The following SCMH1 variants were observed in gnomAD, a reference collection of about 807,000 sequenced individuals.
SCMH1 encodes the protein polycomb protein SCMH1.
In SCMH1, 37 loss-of-function variants were observed where a neutral mutation model predicts 70.8. The observed-to-expected ratio is 0.52, with a 90% confidence interval of 0.40 to 0.69. SCMH1 has a LOEUF of 0.69. Among genes scored for constraint, SCMH1 ranks in the 30% least tolerant of loss-of-function variants. The pLI is 0.00. For missense variants in SCMH1, 607 were observed against 827.3 expected (o/e 0.73, Z 3.27); for synonymous variants, 292 against 307.4 (o/e 0.95, Z 0.52).
At chr1:41,129,536 C>A (rs1270439207) in intron 6 of SCMH1, among the ~76,000 whole-genome samples, 1 of 152,064 alleles carries the variant, frequency 6.6e-6, no homozygotes, top group East Asian at 1.9e-4. Flanking sequence ...AATTTCCTTC[C>A]TCTTTAAGGC....
rs764599596 is a variant in SCMH1, at chr1:41,037,380, G to A, written c.1660C>T (p.Arg554Cys). The A allele has an allele frequency of 6.8e-6, 11 of 1,614,060 alleles. No homozygotes were observed. In the African/African-American group the frequency reaches 9.3e-5, roughly 14 times the overall value. ...AGCTTACCCCTGGAGCATAGCCTGC[G>A]CACAGCTGAGGCAGTGCTTGGTGGG... The change falls in exon 13 of 15, where the codon CGC (arginine) becomes TGC (cysteine). Residue 554 changes from arginine (R) to cysteine (C), a missense_variant. Physicochemically the swap from Arg to Cys is radical, Grantham distance 180. Transcript: ENST00000337495.
At chr1:41,142,841 A>G (rs1306753565) in intron 6 of SCMH1, 37 bp downstream of exon 6, 3 of 1,551,322 alleles carry the variant, frequency 1.9e-6, no homozygotes, top group African/African-American at 1.4e-5. Context: ...CTAACTATTA[A>G]TAATTGGCTA....
At chr1:41,187,441 G>A (rs1196206099) in intron 1 of SCMH1, among the ~76,000 whole-genome samples, 7 of 140,934 alleles carry the variant, frequency 5.0e-5, no homozygotes, top group South Asian at 2.4e-4. Context: ...CAACCTAGGC[G>A]ACAGAGTGAG....
rs776753680 is a variant in SCMH1 at position 41,146,218 on chromosome 1, TA to T, written c.178-3107del. On this transcript the variant is annotated intron_variant, in intron 5 of 14. Transcript: ENST00000337495. ...TTTTTAACAAAAAGAGTTTAAAAGGTAAAAAAAAAAAAAATTAAAAATTATT... is the reference window on the plus strand; with the variant it reads ...TTTTTAACAAAAAGAGTTTAAAAGGTAAAAAAAAAAAAATTAAAAATTATT... 3.0e-3 allele frequency among the ~76,000 whole-genome samples: 410 copies of T among 135,640 alleles called. 2 individuals carry two copies. Among genetic ancestry groups the T allele is most frequent in the South Asian group, 4.0e-3 (17 of 4,282 alleles). 89.0% of individuals were successfully genotyped at this position (135,640 alleles called of 152,430 possible).
At chr1:41,142,827 G>A (rs1245680259) in intron 6 of SCMH1, 51 bp downstream of exon 6, 3 of 1,478,374 alleles carry the variant, frequency 2.0e-6, no homozygotes, top group Non-Finnish European at 2.8e-6. Flanking sequence ...TCAGTTTTTG[G>A]ACGCTAACTA....
chr1:41,163,288 G>A (rs1485509177), intron 2 of SCMH1, among the ~76,000 whole-genome samples: 1 of 152,104 alleles, frequency 6.6e-6, no homozygotes, highest in Non-Finnish European at 1.5e-5. Context: ...CGCAGTAGAT[G>A]GGCCCCAAGC....
At chr1:41,099,767 A>C (rs933756021) in intron 8 of SCMH1, among the ~76,000 whole-genome samples, 3 of 152,206 alleles carry the variant, frequency 2.0e-5, no homozygotes, top group Non-Finnish European at 4.4e-5. Context: ...TTCCTTATGT[A>C]AAATATGGGC....
chr1:41,053,590 T>A (rs1413790813), intron 10 of SCMH1, among the ~76,000 whole-genome samples: 1 of 152,236 alleles, frequency 6.6e-6, no homozygotes, highest in Non-Finnish European at 1.5e-5. Context: ...AGAGACAAGC[T>A]GTCTCCACCC....
chr1:41,161,608 G>T, intron 2 of SCMH1, 176 bp from the exon 3 acceptor site: 1 of 608,468 alleles, frequency 1.6e-6, no homozygotes, highest in Non-Finnish European at 2.5e-6. Flanking sequence ...CCTTGGCATT[G>T]TTTACAATAA....
chr1:41,124,049 T>A (rs1272972297), intron 6 of SCMH1, among the ~76,000 whole-genome samples: 1 of 152,022 alleles, frequency 6.6e-6, no homozygotes, highest in Non-Finnish European at 1.5e-5. Context: ...CAATTATATA[T>A]AAATAATTTT....
At chr1:41,028,656 G>A (rs1436335206) in exon 14 of SCMH1, 7 of 1,614,112 alleles carry the variant, frequency 4.3e-6, no homozygotes, top group Admixed American at 1.7e-5. Context: ...TCACATCCTC[G>A]ACTGTCCATG....
intron 13 of SCMH1, among the ~76,000 whole-genome samples, chr1:41,029,182 A>G (rs1644164603): frequency 1.3e-5 from 2 of 152,288 alleles, no homozygotes; most frequent in South Asian, 4.1e-4. Context: ...AGGTGACCTC[A>G]TTACAGCCTG....
At chr1:41,140,968 T>C (rs1433277465) in intron 6 of SCMH1, among the ~76,000 whole-genome samples, 4 of 152,226 alleles carry the variant, frequency 2.6e-5, no homozygotes, top group African/African-American at 7.2e-5. Context: ...TTTGAGCTTA[T>C]GATACTAAGC....
chr1:41,135,147 T>G (rs896708414), intron 6 of SCMH1, among the ~76,000 whole-genome samples: 10 of 152,174 alleles, frequency 6.6e-5, no homozygotes, highest in Admixed American at 6.6e-4. Flanking sequence ...CATGTGTGTG[T>G]GGGCACATGT....
In SCMH1 at chr1:41,106,431, G is replaced by A. The variant is rs562694247; in HGVS notation, c.745+6852C>T. Among the ~76,000 whole-genome samples the A allele has an allele frequency of 1.2e-3, 178 of 151,838 alleles. 1 individual carries two copies. The highest frequency in any genetic ancestry group is 2.2e-3 in the Non-Finnish European group (147 of 68,012). ...GTAAAAGCTCCCTGAGGCCTCCCCA[G>A]AAGCCAAGCTATGCAGCACCGTGTT... On this transcript the variant is annotated intron_variant, in intron 8 of 14. Transcript: ENST00000337495.
chr1:41,133,636 C>T (rs1453372277), intron 6 of SCMH1, among the ~76,000 whole-genome samples: 1 of 152,094 alleles, frequency 6.6e-6, no homozygotes, highest in Non-Finnish European at 1.5e-5. Context: ...ATACAAACTA[C>T]CATCAGAGAA....
chr1:41,149,751 T>C (rs1336247668), intron 5 of SCMH1, among the ~76,000 whole-genome samples: 1 of 152,220 alleles, frequency 6.6e-6, no homozygotes, highest in Non-Finnish European at 1.5e-5. Context: ...TTCCTGAGTA[T>C]CATACCCAGT....
intron 10 of SCMH1, among the ~76,000 whole-genome samples, chr1:41,055,584 G>A (rs1649957240): frequency 6.6e-6 from 1 of 152,134 alleles, no homozygotes; most frequent in Non-Finnish European, 1.5e-5. Flanking sequence ...CGCCTGCCTT[G>A]GCCTCCCAAA....
At chr1:41,081,727 G>A (rs906782988) in intron 8 of SCMH1, among the ~76,000 whole-genome samples, 1 of 151,980 alleles carries the variant, frequency 6.6e-6, no homozygotes, top group African/African-American at 2.4e-5. Context: ...GGCTGAGGTG[G>A]GAGGATTACT....
Sources: gnomAD v4.1 joint callset for allele counts (sites outside exome capture counted in the v4.1 genomes callset) on GRCh38, gnomAD v4.1.1 for gene constraint, MANE v1.5 for transcripts, NCBI Gene and HGNC (gene_info 2026-07-23, HGNC 2026-07-21) for gene names.